The following FRYL variants were observed in gnomAD, a reference collection of about 807,000 sequenced individuals.
FRYL encodes protein furry homolog-like.
A neutral mutation model predicts 351.2 loss-of-function variants in FRYL; 150 were observed. That is an observed-to-expected ratio of 0.43 (90% CI 0.37 to 0.49). FRYL has a LOEUF of 0.49. Among genes scored for constraint, FRYL ranks in the 20% least tolerant of loss-of-function variants. The pLI is 0.00. For missense variants in FRYL, 3,036 were observed against 3,619.3 expected (o/e 0.84, Z 4.13); for synonymous variants, 1,153 against 1,257.1 (o/e 0.92, Z 1.75).
At chr4:48,544,026 G>A in intron 43 of FRYL, 29 bp from the exon 44 acceptor site, 2 of 1,594,798 alleles carry the variant, frequency 1.3e-6, no homozygotes, top group Admixed American at 3.4e-5. Context: ...CGAGTAGGTT[G>A]TTCTTGTTCT....
At chr4:48,730,703 G>A (rs1414331714) in intron 1 of FRYL, among the ~76,000 whole-genome samples, 1 of 152,114 alleles carries the variant, frequency 6.6e-6, no homozygotes, top group Non-Finnish European at 1.5e-5. Context: ...TCACCACCAA[G>A]CCTGCCTTAC....
intron 1 of FRYL, among the ~76,000 whole-genome samples, chr4:48,741,430 C>T (rs1249572125): frequency 6.6e-6 from 1 of 151,734 alleles, no homozygotes; most frequent in Non-Finnish European, 1.5e-5. Flanking sequence ...GTCCCAGCTA[C>T]TCAGGAGGCT....
chr4:48,671,603 G>A (rs1469312626), intron 3 of FRYL, among the ~76,000 whole-genome samples: 4 of 152,090 alleles, frequency 2.6e-5, no homozygotes, highest in Non-Finnish European at 5.9e-5. Context: ...GGAGGCAGAG[G>A]TTGTGGTGAG....
At chr4:48,645,500 C>T (rs1756290407) in intron 3 of FRYL, among the ~76,000 whole-genome samples, 2 of 152,070 alleles carry the variant, frequency 1.3e-5, no homozygotes, top group African/African-American at 2.4e-5. Flanking sequence ...ATTTGTCTGT[C>T]ATATTCTTTA....
chr4:48,509,154 T>C (rs1471950180), intron 59 of FRYL, among the ~76,000 whole-genome samples: 1 of 152,178 alleles, frequency 6.6e-6, no homozygotes, highest in Admixed American at 6.5e-5. Context: ...CATCAAAAAA[T>C]GCTACTAAGA....
At chr4:48,668,396 A>G (rs529347857) in intron 3 of FRYL, among the ~76,000 whole-genome samples, 27 of 152,028 alleles carry the variant, frequency 1.8e-4, no homozygotes, top group African/African-American at 5.5e-4. Context: ...TAAAAAAAAA[A>G]AAAAAAAGAA....
rs1164474728 is a variant in FRYL, at chr4:48,550,701, A to G, written c.4524T>C (p.Tyr1508=). The change falls in exon 38 of 64, where the codon TAT becomes TAC. Residue 1508 remains tyrosine (Y), a synonymous_variant. Transcript: ENST00000358350. ...GTCCACTGTAAATGTCCAGGTGCAC[A>G]TAGCTATGGGAATGATCACTGAAGT... The part of the protein sequence containing the change: ...KPIKENIEES[Y]VHLDIYSGLN... 6.2e-7 allele frequency: 1 copy of G among 1,603,408 alleles called. No individual in the cohort carries two copies. Among genetic ancestry groups the G allele is most frequent in the Non-Finnish European group, 8.5e-7 (1 of 1,170,262 alleles).
chr4:48,658,269 A>ATT (rs1343045468), intron 3 of FRYL, among the ~76,000 whole-genome samples: 1 of 152,188 alleles, frequency 6.6e-6, no homozygotes, highest in Non-Finnish European at 1.5e-5. Flanking sequence ...ACAGTTTTAA[A>ATT]TATCTCCAAA....
At chr4:48,594,600 C>G (rs1269466525) in intron 15 of FRYL, among the ~76,000 whole-genome samples, 1 of 152,130 alleles carries the variant, frequency 6.6e-6, no homozygotes, top group Non-Finnish European at 1.5e-5. Flanking sequence ...CTTACTGATA[C>G]CCTTATACTT....
chr4:48,659,175 A>G (rs1759909818), intron 3 of FRYL, among the ~76,000 whole-genome samples: 2 of 151,660 alleles, frequency 1.3e-5, no homozygotes, highest in Non-Finnish European at 2.9e-5. Context: ...ACATGGTGAA[A>G]CCCTGTCTCT....
chr4:48,539,869 G>C, intron 47 of FRYL, 102 bp downstream of exon 47: 1 of 792,846 alleles, frequency 1.3e-6, no homozygotes, highest in Non-Finnish European at 2.0e-6. Flanking sequence ...ATTCATATGG[G>C]AAGTGACAAT....
At chr4:48,701,993 C>A (rs185744471) in intron 2 of FRYL, among the ~76,000 whole-genome samples, 20 of 151,900 alleles carry the variant, frequency 1.3e-4, no homozygotes, top group African/African-American at 4.8e-4. Context: ...AAGTAACATT[C>A]TTCTGTTTCT....
chr4:48,585,902 G>A (rs545006039), intron 19 of FRYL, among the ~76,000 whole-genome samples: 2 of 152,256 alleles, frequency 1.3e-5, no homozygotes, highest in South Asian at 4.1e-4. Flanking sequence ...TCACTCTACT[G>A]ATCTATGAAC....
intron 27 of FRYL, among the ~76,000 whole-genome samples, chr4:48,569,678 T>C (rs1737808007): frequency 6.6e-6 from 1 of 152,246 alleles, no homozygotes; most frequent in Non-Finnish European, 1.5e-5. Context: ...AAATCTATTT[T>C]GAAAGTATTT....
At chr4:48,511,394 CT>C (rs1237409351) in intron 57 of FRYL, among the ~76,000 whole-genome samples, 3 of 152,106 alleles carry the variant, frequency 2.0e-5, no homozygotes, top group Non-Finnish European at 4.4e-5. Context: ...TGCCATCTGG[CT>C]TAACTTTAGG....
At position 48,595,994 on chromosome 4, in the gene FRYL, C is replaced by A; in HGVS notation, c.1042G>T (p.Asp348Tyr). ...AGTGCAACTCGAGACATTTTCGGAT[C>A]TTTATTCTGTTTTAAAACAAAAGAG... is the stretch of plus-strand genomic sequence containing the variant. ...QNCLSHLKNKDPKMSRVALES... is the reference protein window; with the variant it reads ...QNCLSHLKNKYPKMSRVALES... The change falls in exon 14 of 64, where the codon GAT (aspartate) becomes TAT (tyrosine). Residue 348 changes from aspartate (D) to tyrosine (Y), a missense_variant. Transcript: ENST00000358350. 1.3e-6 allele frequency: 2 copies of A among 1,589,806 alleles called. No individual in the cohort carries two copies. Among genetic ancestry groups the A allele is most frequent in the African/African-American group, 1.4e-5 (1 of 73,916 alleles).
chr4:48,555,605 C>T (rs1437411199), intron 35 of FRYL, among the ~76,000 whole-genome samples: 1 of 152,086 alleles, frequency 6.6e-6, no homozygotes, highest in Non-Finnish European at 1.5e-5. Flanking sequence ...GTGAGGGCCC[C>T]GAGGAGGGAA....
rs1280168723 is a variant in FRYL, at chr4:48,549,610, T to C, written c.4647A>G (p.Pro1549=). The change falls in exon 39 of 64, where the codon CCA becomes CCG. Residue 1549 remains proline, a synonymous_variant. Coordinates refer to ENST00000358350, the MANE Select transcript of FRYL (RefSeq NM_015030.2). This position sits in a 1 kb window ranked among gnomAD's most constrained non-coding sequence, Gnocchi z 4.2. ...SYEEEKSDSM[P]LYSNWRLKVM... ...CTTTCAGTCGCCAATTAGAATAAAG[T>C]GGCATTGAATCACCTATCAAGATAA... 6.2e-7 allele frequency: 1 copy of C among 1,611,726 alleles called. No homozygotes were observed.
chr4:48,567,121 A>AT lies in FRYL; in HGVS notation c.3169+126dup. 1.4e-6 allele frequency: 1 copy of AT among 694,794 alleles called. No individual in the cohort carries two copies. Among genetic ancestry groups the AT allele is most frequent in the East Asian group, 3.2e-5 (1 of 31,102 alleles). 43.0% of individuals were successfully genotyped at this position (694,794 alleles called of 1,614,324 possible). A position where few individuals can be genotyped will look rare whatever the true frequency, so the allele number is the denominator to read the frequency against. On this transcript the variant is annotated intron_variant, in intron 28 of 63. Transcript: ENST00000358350. The surrounding 1 kb of genome is among the most constrained non-coding windows in gnomAD (Gnocchi z 4.2). ...AAAACAAACTCCAGCCATCCAGGTT[A>AT]TGCTGACATATTTTTCCAGTATGTT...
Sources: allele counts gnomAD v4.1 joint callset (sites outside exome capture counted in the v4.1 genomes callset), GRCh38; gene constraint gnomAD v4.1.1; non-coding constraint Gnocchi (gnomAD v3.1); transcripts MANE v1.5; gene names NCBI Gene and HGNC (gene_info 2026-07-23, HGNC 2026-07-21).